The following PLXNA4 variants were observed in gnomAD, a reference collection of about 807,000 sequenced individuals.
PLXNA4 encodes plexin-A4.
A neutral mutation model predicts 191.8 loss-of-function variants in PLXNA4; 44 were observed. That is an observed-to-expected ratio of 0.23 (90% CI 0.18 to 0.29). PLXNA4 has a LOEUF of 0.29. PLXNA4 is among the 10% of genes least tolerant of loss of function. The pLI is 1.00. For synonymous variants in PLXNA4, 1,082 were observed against 1,009.5 expected, an observed-to-expected ratio of 1.07 and a Z score of -1.36; for missense variants, 1,800 against 2,488.8, an observed-to-expected ratio of 0.72 and a Z score of 5.89.
At chr7:132,495,645 A>G (rs966182476) in intron 2 of PLXNA4, among the ~76,000 whole-genome samples, 3 of 152,184 alleles carry the variant, frequency 2.0e-5, no homozygotes, top group Non-Finnish European at 4.4e-5. Flanking sequence ...GGAGAAAACC[A>G]GCTCTCCTGC....
At chr7:132,646,603 G>A (rs1256003067) in intron 1 of PLXNA4, among the ~76,000 whole-genome samples, 34 of 152,060 alleles carry the variant, frequency 2.2e-4, no homozygotes, top group Admixed American at 2.2e-3. Flanking sequence ...CCAGCAAGAG[G>A]GCCCTCACCA....
chr7:132,634,879 T>C (rs1000335388), intron 2 of PLXNA4, among the ~76,000 whole-genome samples: 7 of 152,176 alleles, frequency 4.6e-5, no homozygotes, highest in Admixed American at 6.5e-5. Flanking sequence ...AGATTAACAT[T>C]TGAGTCAGTG....
At position 132,184,497 on chromosome 7, in the gene PLXNA4, C is replaced by G. The variant is rs796115209; in HGVS notation, c.3158+802G>C. ...TAGCCAGGGCCTGGAAAGGCAGACT[C>G]ATGCCGTGTGCCTACTCCATCTCCC... On this transcript the variant is annotated intron_variant, in intron 16 of 31. Transcript: ENST00000321063. Among the ~76,000 whole-genome samples, 142 of 152,322 alleles carry G rather than the reference C, an allele frequency of 9.3e-4. 1 individual carries two copies. The highest frequency in any genetic ancestry group is 3.0e-3 in the African/African-American group (126 of 41,572).
At chr7:132,356,862 G>A (rs188870226) in intron 3 of PLXNA4, among the ~76,000 whole-genome samples, 27 of 152,308 alleles carry the variant, frequency 1.8e-4, no homozygotes, top group African/African-American at 4.8e-4. Context: ...ATGAGAAATG[G>A]AAGCTAGCCT....
chr7:132,130,624 TG>T, intron 31 of PLXNA4, 50 bp from the exon 32 acceptor site: 1 of 1,612,804 alleles, frequency 6.2e-7, no homozygotes, highest in Non-Finnish European at 8.5e-7. Flanking sequence ...TGTACAGGTC[TG>T]TGTTCTCAGG....
chr7:132,573,940 G>C (rs1442242661), intron 1 of PLXNA4, among the ~76,000 whole-genome samples: 1 of 152,184 alleles, frequency 6.6e-6, no homozygotes, highest in Non-Finnish European at 1.5e-5. Context: ...AACTTAAAAG[G>C]AAGGGCACAG....
chr7:132,544,390 TA>T (rs1219428023), intron 1 of PLXNA4, among the ~76,000 whole-genome samples: 1 of 152,250 alleles, frequency 6.6e-6, no homozygotes, highest in African/African-American at 2.4e-5. Flanking sequence ...AGAGATTCTC[TA>T]AGTGAAATTG....
At chr7:132,587,959 T>C (rs141526278) in intron 2 of PLXNA4, among the ~76,000 whole-genome samples, 2 of 152,060 alleles carry the variant, frequency 1.3e-5, no homozygotes, top group African/African-American at 2.4e-5. Context: ...CCAGAGTTCC[T>C]GGTCTTTCTT....
chr7:132,319,006 T>C (rs1802060664), intron 3 of PLXNA4, among the ~76,000 whole-genome samples: 1 of 152,054 alleles, frequency 6.6e-6, no homozygotes, highest in Non-Finnish European at 1.5e-5. Context: ...GGTCCAACCG[T>C]GGAAGGGAAG....
intron 3 of PLXNA4, among the ~76,000 whole-genome samples, chr7:132,450,922 A>C (rs954308068): frequency 3.9e-5 from 6 of 152,156 alleles, no homozygotes; most frequent in Non-Finnish European, 5.9e-5. Flanking sequence ...GGTCCTCTGC[A>C]GGGGTGGAAT....
chr7:132,443,777 G>A (rs1795789066), intron 3 of PLXNA4, among the ~76,000 whole-genome samples: 1 of 152,160 alleles, frequency 6.6e-6, no homozygotes, highest in African/African-American at 2.4e-5. Context: ...GCATCTCCAG[G>A]GTTCCCCTTC....
chr7:132,503,850 G>A (rs1585236062), intron 2 of PLXNA4, among the ~76,000 whole-genome samples: 1 of 152,302 alleles, frequency 6.6e-6, no homozygotes, highest in African/African-American at 2.4e-5. Context: ...GAGATCCTCA[G>A]AGTTACTTTC....
chr7:132,320,932 A>G (rs1802137179), intron 3 of PLXNA4, among the ~76,000 whole-genome samples: 1 of 152,162 alleles, frequency 6.6e-6, no homozygotes, highest in Non-Finnish European at 1.5e-5. Flanking sequence ...AGGGCTCACA[A>G]GGGCATCCCC....
chr7:132,371,558 A>G (rs1038123415), intron 3 of PLXNA4, among the ~76,000 whole-genome samples: 1 of 152,180 alleles, frequency 6.6e-6, no homozygotes, highest in African/African-American at 2.4e-5. Context: ...AGGAGTTCAT[A>G]AAACTGGGGC....
chr7:132,346,584 C>G (rs993392704), intron 3 of PLXNA4, among the ~76,000 whole-genome samples: 3 of 152,196 alleles, frequency 2.0e-5, no homozygotes, highest in African/African-American at 7.2e-5. Context: ...TAGATTTAAA[C>G]CTGTTTAATT....
intron 1 of PLXNA4, among the ~76,000 whole-genome samples, chr7:132,561,721 CCTCCTCTTCCTCCTCCTCCTCCTTCTT>C (rs1801103382): frequency 1.5e-5 from 2 of 137,824 alleles, no homozygotes; most frequent in East Asian, 2.3e-4. Flanking sequence ...TCCTCCTTCT[CCTCCTCTTCCTCCTCCTCCTCCTTCTT>C]CTCCTCCTCC....
chr7:132,609,347 T>C (rs1455267379), intron 2 of PLXNA4, among the ~76,000 whole-genome samples: 1 of 152,038 alleles, frequency 6.6e-6, no homozygotes, highest in Non-Finnish European at 1.5e-5. Flanking sequence ...AGTATGTGAG[T>C]TGCTCCATCA....
At chr7:132,423,910 A>T (rs1376558318) in intron 3 of PLXNA4, among the ~76,000 whole-genome samples, 1 of 152,184 alleles carries the variant, frequency 6.6e-6, no homozygotes, top group Non-Finnish European at 1.5e-5. Flanking sequence ...ACAGCATTCT[A>T]GGAGAACGCA....
chr7:132,210,131 C>T (rs1055793007), intron 10 of PLXNA4, among the ~76,000 whole-genome samples: 3 of 152,196 alleles, frequency 2.0e-5, no homozygotes, highest in Non-Finnish European at 4.4e-5. Flanking sequence ...TTTAAAGTTC[C>T]TATGACTTGA....
Sources: gnomAD v4.1 joint callset for allele counts (sites outside exome capture counted in the v4.1 genomes callset) on GRCh38, gnomAD v4.1.1 for gene constraint, MANE v1.5 for transcripts, NCBI Gene and HGNC (gene_info 2026-07-23, HGNC 2026-07-21) for gene names.